The following SOBP variants were observed in gnomAD, a reference collection of about 807,000 sequenced individuals.
SOBP encodes the protein sine oculis-binding protein homolog.
Under a neutral mutation model 53.6 loss-of-function variants are expected in SOBP, and 4 were observed. The observed-to-expected ratio is 0.07, with a 90% CI of 0.04 to 0.17. The LOEUF is 0.17. Among genes scored for constraint, SOBP ranks in the 10% least tolerant of loss-of-function variants. The pLI is 1.00. For synonymous variants in SOBP, 584 were observed against 522.6 expected, an observed-to-expected ratio of 1.12 and a Z score of -1.60; for missense variants, 1,088 against 1,204.7, an observed-to-expected ratio of 0.90 and a Z score of 1.43.
At chr6:107,530,435 G>T (rs1783788320) in intron 3 of SOBP, among the ~76,000 whole-genome samples, 2 of 152,088 alleles carry the variant, frequency 1.3e-5, no homozygotes, top group Admixed American at 1.3e-4. Flanking sequence ...GTCATAAGAT[G>T]GGGACACCAT....
At chr6:107,578,018 G>T (rs1474905233) in intron 4 of SOBP, among the ~76,000 whole-genome samples, 1 of 149,582 alleles carries the variant, frequency 6.7e-6, no homozygotes, top group Non-Finnish European at 1.5e-5. Flanking sequence ...AGCTTGCAGT[G>T]AGCCGAGATG....
chr6:107,490,563 A>G lies in SOBP; in HGVS notation c.-54A>G, dbSNP rs918583334. The G allele has an allele frequency of 2.6e-4, 344 of 1,344,172 alleles. 1 individual carries two copies. Among genetic ancestry groups the G allele is most frequent in the Admixed American group, 4.6e-4 (23 of 50,204 alleles). 83.3% of individuals were successfully genotyped at this position (1,344,172 alleles called of 1,614,324 possible). A position where few individuals can be genotyped will look rare whatever the true frequency, so the allele number is the denominator to read the frequency against. ...CACCGCCGCCGCCGCCGCCACCACCACCGCCGGCGGCGGCAGCAGCCATTT... is the reference window on the plus strand; with the variant it reads ...CACCGCCGCCGCCGCCGCCACCACCGCCGCCGGCGGCGGCAGCAGCCATTT... On this transcript the variant is annotated 5_prime_UTR_variant, in exon 1 of 7. Coordinates refer to ENST00000317357, the MANE Select transcript of SOBP (RefSeq NM_018013.4).
At chr6:107,531,963 G>A (rs955224126) in intron 3 of SOBP, among the ~76,000 whole-genome samples, 2 of 152,058 alleles carry the variant, frequency 1.3e-5, no homozygotes. Context: ...TTCTAATTTT[G>A]CAGGCTGATG....
intron 4 of SOBP, among the ~76,000 whole-genome samples, chr6:107,579,747 T>C (rs1262756758): frequency 6.6e-6 from 1 of 152,232 alleles, no homozygotes; most frequent in East Asian, 1.9e-4. Flanking sequence ...ATTATCTTCA[T>C]GTTGCATATT....
chr6:107,654,315 G>T (rs1002224044), intron 6 of SOBP, among the ~76,000 whole-genome samples: 3 of 152,330 alleles, frequency 2.0e-5, no homozygotes, highest in African/African-American at 7.2e-5. Context: ...GCTTCATGTA[G>T]CAGGGGTGGG....
Position 107,563,657 on chromosome 6 carries a change from G to A in SOBP, c.574-23423G>A, listed in dbSNP as rs138980525. ...ACAGAAAAGAATAAGCATTTTCATT[G>A]TTCCTTTTTTATTTCTATTGAAAAA... On this transcript the variant is annotated intron_variant, in intron 4 of 6. Coordinates refer to ENST00000317357, the MANE Select transcript of SOBP (RefSeq NM_018013.4). 5.5e-3 allele frequency among the ~76,000 whole-genome samples: 828 copies of A among 150,526 alleles called. 1 individual carries two copies. The highest frequency in any genetic ancestry group is 0.019 in the African/African-American group (786 of 40,876).
intron 1 of SOBP, among the ~76,000 whole-genome samples, chr6:107,498,719 G>A (rs1782760064): frequency 6.6e-6 from 1 of 152,190 alleles, no homozygotes; most frequent in South Asian, 2.1e-4. Context: ...GAAGAACTCA[G>A]GAGGAGTAAA....
At chr6:107,521,951 CACACACACAAACTCAA>C (rs1302312267) in intron 3 of SOBP, among the ~76,000 whole-genome samples, 29 of 144,676 alleles carry the variant, frequency 2.0e-4, no homozygotes, top group East Asian at 6.1e-4. Context: ...CACACACACA[CACACACACAAACTCAA>C]TCAAGTCTGA....
intron 3 of SOBP, among the ~76,000 whole-genome samples, chr6:107,526,415 T>A (rs1783665927): frequency 6.6e-6 from 1 of 152,196 alleles, no homozygotes; most frequent in East Asian, 1.9e-4. Flanking sequence ...CTTGGTCAAC[T>A]GGATGACTGC....
chr6:107,496,923 G>A (rs1196155619), intron 1 of SOBP, among the ~76,000 whole-genome samples: 2 of 152,178 alleles, frequency 1.3e-5, no homozygotes, highest in Non-Finnish European at 2.9e-5. Flanking sequence ...AAATAAAACT[G>A]ATCCACTGGG....
At chr6:107,617,082 C>T (rs553532613) in intron 5 of SOBP, among the ~76,000 whole-genome samples, 4 of 152,192 alleles carry the variant, frequency 2.6e-5, no homozygotes, top group East Asian at 1.9e-4. Flanking sequence ...AGGGTTCACC[C>T]GCACACCTAA....
chr6:107,647,717 A>C (rs945062578), intron 6 of SOBP, among the ~76,000 whole-genome samples: 2 of 151,956 alleles, frequency 1.3e-5, no homozygotes, highest in African/African-American at 4.8e-5. Context: ...TTAGAACCTG[A>C]GTCCTCATCT....
intron 4 of SOBP, among the ~76,000 whole-genome samples, chr6:107,548,731 G>A (rs1169394995): frequency 1.3e-5 from 2 of 151,660 alleles, no homozygotes; most frequent in Non-Finnish European, 2.9e-5. Context: ...GAGGCCAGGA[G>A]TTCGTGACCA....
intron 4 of SOBP, among the ~76,000 whole-genome samples, chr6:107,560,847 C>T (rs1314133218): frequency 6.6e-6 from 1 of 152,164 alleles, no homozygotes; most frequent in Non-Finnish European, 1.5e-5. Flanking sequence ...CATCTTGTCT[C>T]CTATTGACGC....
intron 3 of SOBP, among the ~76,000 whole-genome samples, chr6:107,526,885 A>G (rs1783680640): frequency 6.6e-6 from 1 of 152,194 alleles, no homozygotes; most frequent in Non-Finnish European, 1.5e-5. Flanking sequence ...TTTTGGGGTT[A>G]AGTACTACTC....
intron 4 of SOBP, among the ~76,000 whole-genome samples, chr6:107,543,018 G>A (rs1784195536): frequency 6.6e-6 from 1 of 152,146 alleles, no homozygotes; most frequent in Non-Finnish European, 1.5e-5. Flanking sequence ...TAATCTTGAA[G>A]GGACCATCTT....
At position 107,658,744 on chromosome 6, in the gene SOBP, T is replaced by C. The variant is rs916778156; in HGVS notation, c.*541T>C. Reference sequence around the variant, plus strand: ...GTCCTGGAGGCCCAATGCTTCAGAGTCATCTCTGTCCTGCCCGGGATGCAC... The same window carrying C: ...GTCCTGGAGGCCCAATGCTTCAGAGCCATCTCTGTCCTGCCCGGGATGCAC... On this transcript the variant is annotated 3_prime_UTR_variant, in exon 7 of 7. Coordinates refer to ENST00000317357, the MANE Select transcript of SOBP (RefSeq NM_018013.4). 6.6e-6 allele frequency: 1 copy of C among 152,606 alleles called. No individual in the cohort carries two copies. The highest frequency in any genetic ancestry group is 2.4e-5 in the African/African-American group (1 of 41,444). The allele number at this position is 152,606 out of a possible 1,614,324, so 9.5% of individuals were successfully genotyped here.
chr6:107,580,428 T>C (rs1227644164), intron 4 of SOBP, among the ~76,000 whole-genome samples: 2 of 152,362 alleles, frequency 1.3e-5, no homozygotes, highest in East Asian at 3.9e-4. Flanking sequence ...GAATGAGAGC[T>C]AATGAATCCA....
At chr6:107,575,008 C>T (rs1785185483) in intron 4 of SOBP, among the ~76,000 whole-genome samples, 1 of 152,238 alleles carries the variant, frequency 6.6e-6, no homozygotes, top group African/African-American at 2.4e-5. Context: ...GTTTCTGCCA[C>T]TCATTGTCAC....
Sources: gnomAD v4.1 joint callset for allele counts (sites outside exome capture counted in the v4.1 genomes callset) on GRCh38, gnomAD v4.1.1 for gene constraint, MANE v1.5 for transcripts, NCBI Gene and HGNC (gene_info 2026-07-23, HGNC 2026-07-21) for gene names.